The following RIMKLB variants were observed in gnomAD, a reference collection of about 807,000 sequenced individuals.
The protein encoded by RIMKLB is beta-citrylglutamate synthase B.
In RIMKLB, 7 loss-of-function variants were observed where a neutral mutation model predicts 32.0. The observed-to-expected ratio is 0.22, with a 90% CI of 0.12 to 0.41. The LOEUF (loss-of-function observed/expected upper bound fraction) is 0.41, where lower values mean the gene tolerates loss of function less well. Ranked by LOEUF, RIMKLB falls within the 10% of genes least tolerant of loss-of-function variation. The pLI is 1.00. For missense variants in RIMKLB, 289 were observed against 498.7 expected, an observed-to-expected ratio of 0.58 and a Z score of 4.00; for synonymous variants, 172 against 185.1, an observed-to-expected ratio of 0.93 and a Z score of 0.57.
intron 2 of RIMKLB, among the ~76,000 whole-genome samples, chr12:8,718,665 ATATATGTGTGTGTGTGTGTGTGTGTG>A (rs1373165505): frequency 9.6e-6 from 1 of 104,248 alleles, no homozygotes; most frequent in African/African-American, 3.5e-5. Context: ...ATATATATAT[ATATATGTGTGTGTGTGTGTGTGTGTG>A]TGTGTGTGTG....
intron 2 of RIMKLB, among the ~76,000 whole-genome samples, chr12:8,730,718 C>T (rs910290831): frequency 1.3e-5 from 2 of 152,152 alleles, no homozygotes; most frequent in African/African-American, 4.8e-5. Context: ...TCTTTTCTAC[C>T]ATTTTCAATG....
chr12:8,692,882 G>A (rs963540263), upstream of RIMKLB, among the ~76,000 whole-genome samples: 3 of 152,198 alleles, frequency 2.0e-5, no homozygotes, highest in East Asian at 3.8e-4. Context: ...TTCCTTATTT[G>A]CTAGTCAAGG....
intron 5 of RIMKLB, among the ~76,000 whole-genome samples, chr12:8,771,634 AT>A (rs1406864199): frequency 6.6e-6 from 1 of 151,702 alleles, no homozygotes; most frequent in African/African-American, 2.4e-5. Flanking sequence ...ATCTACTCTC[AT>A]TTTTTTCCTT....
chr12:8,725,923 C>T (rs764823653), intron 2 of RIMKLB, among the ~76,000 whole-genome samples: 30 of 152,350 alleles, frequency 2.0e-4, no homozygotes, highest in African/African-American at 5.3e-4. Context: ...TCTTGGTTCA[C>T]TGCAACCTCC....
At chr12:8,677,749 T>C (rs1565533984), upstream of RIMKLB, among the ~76,000 whole-genome samples, 4 of 144,396 alleles carry the variant, frequency 2.8e-5, no homozygotes, top group Admixed American at 2.8e-4. Context: ...ACCTTTGCCC[T>C]TTTTTTTTTT....
intron 2 of RIMKLB, among the ~76,000 whole-genome samples, chr12:8,719,064 T>C (rs1945174350): frequency 6.6e-6 from 1 of 151,980 alleles, no homozygotes; most frequent in Non-Finnish European, 1.5e-5. Context: ...TCCTCCTCCT[T>C]CCCTCCCTCT....
the RIMKLB span, among the ~76,000 whole-genome samples, chr12:8,676,540 G>A: frequency 0.021 from 3,219 of 150,732 alleles, 35 homozygotes; most frequent in Non-Finnish European, 0.032. Flanking sequence ...CCAGGACTAC[G>A]GGTGTGCACC....
chr12:8,711,947 C>T (rs545614331), intron 1 of RIMKLB, among the ~76,000 whole-genome samples: 1 of 152,144 alleles, frequency 6.6e-6, no homozygotes, highest in East Asian at 1.9e-4. Context: ...GTCGTTCCAT[C>T]AGGTTGAATT....
intron 5 of RIMKLB, among the ~76,000 whole-genome samples, chr12:8,764,923 A>C (rs748143351): frequency 3.3e-5 from 5 of 150,768 alleles, no homozygotes; most frequent in Admixed American, 6.6e-5. Context: ...CCTGAGGGCC[A>C]TGACTAAAGC....
intron 1 of RIMKLB, among the ~76,000 whole-genome samples, chr12:8,682,076 G>A (rs1565535773): frequency 6.6e-6 from 1 of 151,998 alleles, no homozygotes. Flanking sequence ...TCAGTGTGGG[G>A]AAAAAAACTC....
chr12:8,727,194 G>C (rs751773462), intron 2 of RIMKLB, among the ~76,000 whole-genome samples: 6 of 152,148 alleles, frequency 3.9e-5, no homozygotes, highest in African/African-American at 1.4e-4. Flanking sequence ...GATTATACAC[G>C]CAATCAAATA....
intron 2 of RIMKLB, among the ~76,000 whole-genome samples, chr12:8,725,426 C>A (rs776981008): frequency 2.6e-5 from 4 of 151,972 alleles, no homozygotes; most frequent in Admixed American, 1.3e-4. Flanking sequence ...TACAGGTGCA[C>A]GCCAGCACGC....
At chr12:8,754,775 A>ATATG (rs1162693850) in intron 5 of RIMKLB, among the ~76,000 whole-genome samples, 1 of 152,002 alleles carries the variant, frequency 6.6e-6, no homozygotes, top group Non-Finnish European at 1.5e-5. Context: ...TTATTCTTAT[A>ATATG]TATGTATATA....
At chr12:8,735,530 T>C (rs1297578461) in intron 2 of RIMKLB, among the ~76,000 whole-genome samples, 1 of 151,696 alleles carries the variant, frequency 6.6e-6, no homozygotes, top group African/African-American at 2.4e-5. Context: ...GTGCTCAGCC[T>C]AAATTTTTTT....
intron 1 of RIMKLB, among the ~76,000 whole-genome samples, chr12:8,688,189 G>T (rs756459455): frequency 1.4e-4 from 21 of 152,326 alleles, no homozygotes; most frequent in African/African-American, 5.1e-4. Context: ...GCAAGAAACG[G>T]GAGTGGATTG....
At chr12:8,693,790 T>G (rs1026633891), upstream of RIMKLB, among the ~76,000 whole-genome samples, 4 of 152,216 alleles carry the variant, frequency 2.6e-5, no homozygotes, top group Non-Finnish European at 5.9e-5. Context: ...ACCAAATGGA[T>G]AGTTAATTCT....
Position 8,775,290 on chromosome 12 carries a change from G to A in RIMKLB, c.*1506G>A, listed in dbSNP as rs903164074. 7.0e-5 allele frequency: 69 copies of A among 985,236 alleles called. No individual in the cohort carries two copies. The highest frequency in any genetic ancestry group is 5.2e-4 in the Middle Eastern group (1 of 1,936). 61.0% of individuals were successfully genotyped at this position (985,236 alleles called of 1,614,324 possible). On this transcript the variant is annotated 3_prime_UTR_variant, in exon 6 of 6. Coordinates refer to ENST00000535829, the MANE Select transcript of RIMKLB (RefSeq NM_001297776.2). ...GAGTCTCTTATAGCCCTACTCTTAAGCCTTCAATACTGTCCACTCTTTATA... is the reference window on the plus strand; with the variant it reads ...GAGTCTCTTATAGCCCTACTCTTAAACCTTCAATACTGTCCACTCTTTATA...
At chr12:8,711,811 G>A (rs1944402469) in intron 1 of RIMKLB, among the ~76,000 whole-genome samples, 1 of 152,202 alleles carries the variant, frequency 6.6e-6, no homozygotes, top group African/African-American at 2.4e-5. Context: ...GGAAGGCACT[G>A]TGTGGCTATA....
intron 2 of RIMKLB, among the ~76,000 whole-genome samples, chr12:8,732,745 TTA>T (rs202128295): frequency 4.7e-5 from 7 of 150,534 alleles, no homozygotes; most frequent in African/African-American, 1.5e-4. Context: ...CAACAGAAAA[TTA>T]TATATATATA....
Sources: allele counts gnomAD v4.1 joint callset (sites outside exome capture counted in the v4.1 genomes callset), GRCh38; gene constraint gnomAD v4.1.1; transcripts MANE v1.5; gene names NCBI Gene and HGNC (gene_info 2026-07-23, HGNC 2026-07-21).